SREK1IP1: variants seen among roughly 807,000 people sequenced by gnomAD.
SREK1IP1 encodes the protein SREK1 interacting protein 1, also known as protein SREK1IP1.
SREK1IP1 carries 12 observed loss-of-function variants against 22.8 expected under a neutral mutation model. The ratio of observed to expected loss-of-function variants is 0.53; its 90% CI spans 0.34 to 0.85. SREK1IP1 has a LOEUF of 0.85. SREK1IP1 is among the 40% of genes least tolerant of loss of function. The probability of loss-of-function intolerance (pLI) is 0.02; values close to 1 mark genes in which losing one functional copy is unlikely to be tolerated. For missense variants in SREK1IP1, 147 were observed against 171.8 expected (o/e 0.86, Z 0.81); for synonymous variants, 53 against 52.7 (o/e 1.01, Z -0.02).
intron 3 of SREK1IP1, among the ~76,000 whole-genome samples, chr5:64,737,465 T>G (rs1742483089): frequency 6.7e-6 from 1 of 148,958 alleles, no homozygotes; most frequent in Non-Finnish European, 1.5e-5. Context: ...ATAAATGATT[T>G]TATTAAGAAA....
chr5:64,761,580 G>A (rs537707622), intron 1 of SREK1IP1, among the ~76,000 whole-genome samples: 109 of 152,284 alleles, frequency 7.2e-4, no homozygotes, highest in African/African-American at 2.6e-3. Flanking sequence ...GTGAGTACTT[G>A]TGTATCTAAA....
chr5:64,722,393 A>C lies in SREK1IP1; in HGVS notation c.*1991T>G, dbSNP rs547546156. 6.6e-6 allele frequency: 1 copy of C among 152,318 alleles called. No individual in the cohort carries two copies. Among genetic ancestry groups the C allele is most frequent in the South Asian group, 2.1e-4 (1 of 4,830 alleles). 9.4% of individuals were successfully genotyped at this position (152,318 alleles called of 1,614,324 possible). On this transcript the variant is annotated 3_prime_UTR_variant, in exon 5 of 5. Transcript: ENST00000513458. ...AATTAACTATTTCACTACAATTACT[A>C]TCATTTTTAACTATCTTACTCAATG...
Position 64,741,192 on chromosome 5 carries a change from G to C in SREK1IP1, c.70C>G (p.Leu24Val). Residue 24 changes from leucine (L) to valine (V), a missense_variant, in exon 3 of 5, where the codon CTG (leucine) becomes GTG (valine). This residue lies in a region of SREK1IP1 where 62 missense variants were observed against 73.3 expected (regional missense o/e 0.85). Transcript: ENST00000513458. ...AGAAAATTGCGGCATTCAAAAGTCA[G>C]GTGACCAGCTAAGTGAAACAAACAA... is the stretch of plus-strand genomic sequence containing the variant. ...GCKKCGYPGH[L>V]TFECRNFLRV... is the part of the protein sequence containing the mutation. The C allele has an allele frequency of 1.2e-6, 2 of 1,609,642 alleles. No individual in the cohort carries two copies. Among genetic ancestry groups the C allele is most frequent in the Non-Finnish European group, 1.7e-6 (2 of 1,177,756 alleles).
rs965844985 is a variant in SREK1IP1 at position 64,722,834 on chromosome 5, G to T, written c.*1550C>A. Reference sequence around the variant, plus strand: ...AGAATTTAAGCATGGGTAAGCATATGTTAAGAGGAGTTATAAGGCTCCCTG... The same window carrying T: ...AGAATTTAAGCATGGGTAAGCATATTTTAAGAGGAGTTATAAGGCTCCCTG... On this transcript the variant is annotated 3_prime_UTR_variant, in exon 5 of 5. Transcript: ENST00000513458. 6.6e-6 allele frequency: 1 copy of T among 152,230 alleles called. No individual in the cohort carries two copies. The highest frequency in any genetic ancestry group is 2.4e-5 in the African/African-American group (1 of 41,464). The allele number at this position is 152,230 out of a possible 1,614,324, so 9.4% of individuals were successfully genotyped here.
chr5:64,735,895 G>T, intron 3 of SREK1IP1, among the ~76,000 whole-genome samples: 1 of 151,818 alleles, frequency 6.6e-6, no homozygotes, highest in South Asian at 2.1e-4. Context: ...TCTTTCTTCT[G>T]CTTACTGTGG....
At chr5:64,746,415 AG>A (rs1283863089) in intron 2 of SREK1IP1, among the ~76,000 whole-genome samples, 4 of 152,200 alleles carry the variant, frequency 2.6e-5, no homozygotes, top group Admixed American at 1.3e-4. Context: ...GAAAGTGAAA[AG>A]GGAGAATATA....
intron 2 of SREK1IP1, among the ~76,000 whole-genome samples, chr5:64,743,225 G>C: frequency 6.6e-6 from 1 of 151,160 alleles, no homozygotes; most frequent in South Asian, 2.1e-4. Context: ...CCTTGTCAAT[G>C]TTTAGATATG....
chr5:64,740,831 AC>A (rs1742539780), intron 3 of SREK1IP1, among the ~76,000 whole-genome samples: 1 of 152,136 alleles, frequency 6.6e-6, no homozygotes, highest in African/African-American at 2.4e-5. Context: ...AAAAACAACA[AC>A]AAAAAACATA....
In SREK1IP1 at chr5:64,720,935, C is replaced by T. The variant is rs1331728221; in HGVS notation, c.*3449G>A. The stretch of plus-strand genomic sequence containing the variant: ...ATGGTAGTCTCAATTCTTACCACTT[C>T]CTGCCTCGCCTATGATACACCAGCA... On this transcript the variant is annotated 3_prime_UTR_variant, in exon 5 of 5. Coordinates refer to ENST00000513458, the MANE Select transcript of SREK1IP1 (RefSeq NM_173829.4). The T allele has an allele frequency of 2.6e-5, 4 of 152,256 alleles. No individual in the cohort carries two copies. Among genetic ancestry groups the T allele is most frequent in the Non-Finnish European group, 4.4e-5 (3 of 68,064 alleles). The allele number at this position is 152,256 out of a possible 1,614,324, so 9.4% of individuals were successfully genotyped here.
At chr5:64,761,899 CAGT>C (rs1742958074) in intron 1 of SREK1IP1, among the ~76,000 whole-genome samples, 1 of 152,054 alleles carries the variant, frequency 6.6e-6, no homozygotes, top group Admixed American at 6.5e-5. Context: ...TTAAAGTTAA[CAGT>C]AGACAACGAA....
At chr5:64,745,568 A>G (rs557241978) in intron 2 of SREK1IP1, among the ~76,000 whole-genome samples, 5 of 151,792 alleles carry the variant, frequency 3.3e-5, no homozygotes, top group East Asian at 3.9e-4. Flanking sequence ...CAGCCTGGGC[A>G]GCAGAGTAAA....
rs994948199 is a variant in SREK1IP1, at chr5:64,721,311, T to G, written c.*3073A>C. 1.3e-5 allele frequency: 2 copies of G among 152,204 alleles called. No homozygotes were observed. The highest frequency in any genetic ancestry group is 2.9e-5 in the Non-Finnish European group (2 of 68,034). 9.4% of individuals were successfully genotyped at this position (152,204 alleles called of 1,614,324 possible). A position where few individuals can be genotyped will look rare whatever the true frequency, so the allele number is the denominator to read the frequency against. On this transcript the variant is annotated 3_prime_UTR_variant, in exon 5 of 5. Coordinates refer to ENST00000513458, the MANE Select transcript of SREK1IP1 (RefSeq NM_173829.4). ...GTACTTAGCACAGCGTTTGCCACGT[T>G]AGGTACTCAATAAATATTTGTTGAA...
At chr5:64,727,134 T>C (rs1742281076) in intron 4 of SREK1IP1, among the ~76,000 whole-genome samples, 1 of 152,154 alleles carries the variant, frequency 6.6e-6, no homozygotes, top group East Asian at 1.9e-4. Flanking sequence ...AATATTAAAA[T>C]ACATGTATTA....
rs918209648 is a variant in SREK1IP1 at position 64,720,151 on chromosome 5, G to T, written c.*4233C>A. On this transcript the variant is annotated 3_prime_UTR_variant, in exon 5 of 5. Transcript: ENST00000513458. ...AAAAATATTCTAAATGGTTTATTCG[G>T]ACCTAACAAATATTAAAATAGTGAT... 1 of 152,130 alleles carries T rather than the reference G, an allele frequency of 6.6e-6. No individual in the cohort carries two copies. The highest frequency in any genetic ancestry group is 6.5e-5 in the Admixed American group (1 of 15,284). 9.4% of individuals were successfully genotyped at this position (152,130 alleles called of 1,614,324 possible).
At chr5:64,725,350 T>C (rs1419175447) in intron 4 of SREK1IP1, among the ~76,000 whole-genome samples, 1 of 152,226 alleles carries the variant, frequency 6.6e-6, no homozygotes, top group Admixed American at 6.5e-5. Flanking sequence ...TGCAACATTC[T>C]ACCTATACTC....
At chr5:64,759,209 T>C (rs1474151072) in intron 1 of SREK1IP1, among the ~76,000 whole-genome samples, 5 of 152,246 alleles carry the variant, frequency 3.3e-5, no homozygotes, top group Non-Finnish European at 5.9e-5. Flanking sequence ...TTAGATTCAC[T>C]GAGCTAGCTG....
rs1347437286 is a variant in SREK1IP1 at position 64,722,619 on chromosome 5, A to G, written c.*1765T>C. On this transcript the variant is annotated 3_prime_UTR_variant, in exon 5 of 5. Coordinates refer to ENST00000513458, the MANE Select transcript of SREK1IP1 (RefSeq NM_173829.4). ...AATCGAAGAATATTTTCAAAAAACT[A>G]GCAGCAAAGGCAAAACAAATCCCTA... 1 of 152,270 alleles carries G rather than the reference A, an allele frequency of 6.6e-6. No individual in the cohort carries two copies. Among genetic ancestry groups the G allele is most frequent in the Non-Finnish European group, 1.5e-5 (1 of 68,048 alleles). The allele number at this position is 152,270 out of a possible 1,614,324, so 9.4% of individuals were successfully genotyped here. A position where few individuals can be genotyped will look rare whatever the true frequency, so the allele number is the denominator to read the frequency against.
intron 3 of SREK1IP1, among the ~76,000 whole-genome samples, chr5:64,734,484 T>C (rs111982946): frequency 6.6e-6 from 1 of 151,528 alleles, no homozygotes; most frequent in South Asian, 2.1e-4. Context: ...GAATTTTGAT[T>C]GTGATTCCTT....
intron 4 of SREK1IP1, chr5:64,727,523 A>G (rs1268920957): frequency 1.5e-5 from 2 of 137,238 alleles, no homozygotes; most frequent in Non-Finnish European, 3.0e-5. Context: ...GTATGTGCAT[A>G]TAATTACATA....
Sources: gnomAD v4.1 joint callset for allele counts (sites outside exome capture counted in the v4.1 genomes callset) on GRCh38, gnomAD v4.1.1 for gene constraint, gnomAD v4.1.1 regional missense constraint, MANE v1.5 for transcripts, NCBI Gene and HGNC (gene_info 2026-07-23, HGNC 2026-07-21) for gene names.